Variants in GRM7 observed in about 807,000 individuals in gnomAD.
GRM7 encodes metabotropic glutamate receptor 7.
Under a neutral mutation model 84.5 loss-of-function variants are expected in GRM7, and 35 were observed. That is an observed-to-expected ratio of 0.41 (90% CI 0.32 to 0.55). The LOEUF is 0.55. Ranked by LOEUF, GRM7 falls within the 20% of genes least tolerant of loss-of-function variation. GRM7 has a pLI of 0.19. For missense variants in GRM7, 1,003 were observed against 1,194.6 expected, an observed-to-expected ratio of 0.84 and a Z score of 2.36; for synonymous variants, 487 against 455.1, an observed-to-expected ratio of 1.07 and a Z score of -0.89.
intron 9 of GRM7, among the ~76,000 whole-genome samples, chr3:7,732,778 G>C (rs539423737): frequency 3.2e-4 from 49 of 152,308 alleles, no homozygotes; most frequent in Middle Eastern, 3.4e-3. Context: ...CCCAAGAAAG[G>C]GTTCTTGGCT....
intron 1 of GRM7, among the ~76,000 whole-genome samples, chr3:6,978,785 A>G (rs892600298): frequency 6.6e-6 from 1 of 152,182 alleles, no homozygotes; most frequent in Non-Finnish European, 1.5e-5. Context: ...TTTGTTAACA[A>G]GTGGAGATGT....
intron 8 of GRM7, among the ~76,000 whole-genome samples, chr3:7,585,335 A>C (rs905719449): frequency 6.6e-6 from 1 of 152,170 alleles, no homozygotes; most frequent in African/African-American, 2.4e-5. Flanking sequence ...GGTGTTAGCT[A>C]GTCGCTTGGG....
At chr3:7,273,775 G>A (rs1276839076) in intron 2 of GRM7, among the ~76,000 whole-genome samples, 3 of 152,006 alleles carry the variant, frequency 2.0e-5, no homozygotes, top group East Asian at 3.9e-4. Context: ...GTGTGTGCTT[G>A]TGTACAACAT....
At chr3:7,586,489 A>C (rs1221929740) in intron 8 of GRM7, among the ~76,000 whole-genome samples, 1 of 152,128 alleles carries the variant, frequency 6.6e-6, no homozygotes, top group African/African-American at 2.4e-5. Flanking sequence ...TTATCTACAA[A>C]ATGGAATATT....
intron 2 of GRM7, among the ~76,000 whole-genome samples, chr3:7,266,280 G>C (rs1167723872): frequency 6.6e-6 from 1 of 152,186 alleles, no homozygotes; most frequent in African/African-American, 2.4e-5. Context: ...ATTCAGTATA[G>C]TAAAGTGTTA....
At chr3:7,122,606 G>A (rs1472474978) in intron 1 of GRM7, among the ~76,000 whole-genome samples, 3 of 152,080 alleles carry the variant, frequency 2.0e-5, no homozygotes, top group African/African-American at 7.2e-5. Context: ...GTGGTAAAAT[G>A]CTCTGAAAAA....
chr3:7,303,515 T>G (rs992282503), intron 3 of GRM7, among the ~76,000 whole-genome samples: 5 of 152,110 alleles, frequency 3.3e-5, no homozygotes, highest in African/African-American at 1.2e-4. Context: ...TCTATCAGGT[T>G]TTAATTTGAC....
intron 7 of GRM7, among the ~76,000 whole-genome samples, chr3:7,489,717 G>A (rs949970069): frequency 3.1e-4 from 47 of 152,064 alleles, no homozygotes; most frequent in Middle Eastern, 3.4e-3. Context: ...AATTTATTAG[G>A]TATATATAGT....
At chr3:6,876,466 AT>A (rs1213859126) in intron 1 of GRM7, among the ~76,000 whole-genome samples, 1 of 152,004 alleles carries the variant, frequency 6.6e-6, no homozygotes, top group Non-Finnish European at 1.5e-5. Context: ...GTGAGAATGT[AT>A]GTTATTATGA....
chr3:7,214,609 C>CA (rs1696540968), intron 2 of GRM7, among the ~76,000 whole-genome samples: 1 of 152,210 alleles, frequency 6.6e-6, no homozygotes, highest in South Asian at 2.1e-4. Context: ...ACTTGAGCTA[C>CA]AGCCATCACA....
At chr3:6,878,983 T>C (rs936626114) in intron 1 of GRM7, among the ~76,000 whole-genome samples, 4 of 152,174 alleles carry the variant, frequency 2.6e-5, no homozygotes, top group African/African-American at 9.7e-5. Flanking sequence ...GTATAGGATG[T>C]GTGTTTCATG....
intron 1 of GRM7, among the ~76,000 whole-genome samples, chr3:7,014,544 G>T: frequency 6.6e-6 from 1 of 151,944 alleles, no homozygotes; most frequent in Non-Finnish European, 1.5e-5. Flanking sequence ...TTGAACTCCT[G>T]GCCTCAAGTG....
At chr3:7,184,345 A>C (rs1695444816) in intron 2 of GRM7, among the ~76,000 whole-genome samples, 1 of 152,124 alleles carries the variant, frequency 6.6e-6, no homozygotes, top group South Asian at 2.1e-4. Flanking sequence ...TAGATGTATT[A>C]ATCAAATTTA....
At chr3:7,728,781 C>T (rs1702215303) in intron 9 of GRM7, among the ~76,000 whole-genome samples, 2 of 152,316 alleles carry the variant, frequency 1.3e-5, no homozygotes, top group South Asian at 4.1e-4. Flanking sequence ...CTATGGAGGC[C>T]TGTCTGTGTG....
At chr3:7,645,843 T>C (rs909961911) in intron 8 of GRM7, among the ~76,000 whole-genome samples, 2 of 152,194 alleles carry the variant, frequency 1.3e-5, no homozygotes, top group African/African-American at 2.4e-5. Flanking sequence ...TTCCTTTCCA[T>C]GTCCAAAGTC....
At chr3:7,370,608 C>G (rs970604833) in intron 4 of GRM7, among the ~76,000 whole-genome samples, 1 of 151,164 alleles carries the variant, frequency 6.6e-6, no homozygotes, top group Non-Finnish European at 1.5e-5. Flanking sequence ...TGAAAATGGA[C>G]TAATACAAAA....
chr3:7,371,147 AG>A (rs1206715426), intron 4 of GRM7, among the ~76,000 whole-genome samples: 4 of 152,120 alleles, frequency 2.6e-5, no homozygotes, highest in South Asian at 4.1e-4. Context: ...CAAATTCTGT[AG>A]TAAAGGACCA....
chr3:7,114,846 T>A (rs1465887836), intron 1 of GRM7, among the ~76,000 whole-genome samples: 1 of 152,166 alleles, frequency 6.6e-6, no homozygotes, highest in African/African-American at 2.4e-5. Flanking sequence ...TTTCCTTTCA[T>A]CGCTGATCTC....
chr3:7,165,565 T>C (rs1694774162), intron 2 of GRM7, among the ~76,000 whole-genome samples: 1 of 152,238 alleles, frequency 6.6e-6, no homozygotes, highest in African/African-American at 2.4e-5. Context: ...GAATGTAACA[T>C]TGGTATTGCC....
Sources: allele counts gnomAD v4.1 joint callset (sites outside exome capture counted in the v4.1 genomes callset), GRCh38; gene constraint gnomAD v4.1.1; transcripts MANE v1.5; gene names NCBI Gene and HGNC (gene_info 2026-07-23, HGNC 2026-07-21).